The following PNPLA7 variants were observed in gnomAD, a reference collection of about 807,000 sequenced individuals.
PNPLA7 encodes patatin-like phospholipase domain-containing protein 7.
In PNPLA7, 153 loss-of-function variants were observed where a neutral mutation model predicts 161.7. That is an observed-to-expected ratio of 0.95 (90% CI 0.83 to 1.08). PNPLA7 has a LOEUF of 1.08. PNPLA7 is among the 50% of genes least tolerant of loss of function. The pLI is 0.00. For synonymous variants in PNPLA7, 809 were observed against 782.1 expected (o/e 1.03, Z -0.57); for missense variants, 1,739 against 1,856.6 (o/e 0.94, Z 1.16).
chr9:137,485,469 C>A (rs1278449115), intron 20 of PNPLA7, among the ~76,000 whole-genome samples: 1 of 151,938 alleles, frequency 6.6e-6, no homozygotes, highest in Non-Finnish European at 1.5e-5. Context: ...TGGAGTAAAC[C>A]AGACACACTC....
At position 137,480,362 on chromosome 9, in the gene PNPLA7, C is replaced by A. The variant is rs780922506; in HGVS notation, c.2530G>T (p.Asp844Tyr). 1.9e-6 allele frequency: 3 copies of A among 1,613,432 alleles called. No homozygotes were observed. The highest frequency in any genetic ancestry group is 2.2e-5 in the South Asian group (2 of 91,050). The change falls in exon 23 of 35, where the codon GAC (aspartate) becomes TAC (tyrosine). Residue 844 changes from aspartate (D) to tyrosine (Y), a missense_variant. Coordinates refer to ENST00000406427, the MANE Select transcript of PNPLA7 (RefSeq NM_001098537.3). ...PWTQRCVRQA[D>Y]CILIVGLGDQ... ...CCCAGGCCCACGATGAGGATGCAGT[C>A]GGCCTGGCGCACGCAGCGCTGGGTC...
chr9:137,480,157 C>T (rs546907371), intron 23 of PNPLA7, among the ~76,000 whole-genome samples, 155 bp downstream of exon 23: 3 of 152,344 alleles, frequency 2.0e-5, no homozygotes, highest in East Asian at 1.9e-4. Context: ...AATACAGCAC[C>T]GTGTTTTTAA....
At position 137,484,744 on chromosome 9, in the gene PNPLA7, G is replaced by A; in HGVS notation, c.2198-8C>T. On this transcript the variant is annotated splice_polypyrimidine_tract_variant and splice_region_variant and intron_variant, in intron 20 of 34. Coordinates refer to ENST00000406427, the MANE Select transcript of PNPLA7 (RefSeq NM_001098537.3). The stretch of plus-strand genomic sequence containing the variant: ...GGAGCCCAAGCTGGTGGCCTGTGGA[G>A]CAAAGGACCCACGTCAGCTGGGACA... 1 of 1,602,762 alleles carries A rather than the reference G, an allele frequency of 6.2e-7. No homozygotes were observed. The highest frequency in any genetic ancestry group is 8.5e-7 in the Non-Finnish European group (1 of 1,173,960).
rs1032264099 is a variant in PNPLA7 at position 137,524,755 on chromosome 9, C to T, written c.748-1898G>A. Among the ~76,000 whole-genome samples the T allele has an allele frequency of 6.6e-6, 1 of 151,996 alleles. No individual in the cohort carries two copies. The highest frequency in any genetic ancestry group is 2.4e-5 in the African/African-American group (1 of 41,358). ...AGCGAACGAGTTTCCGTGGATGCCC[C>T]GTGGAATGAGTTTCCGTGGATGCCC... On this transcript the variant is annotated intron_variant, in intron 8 of 34. Coordinates refer to ENST00000406427, the MANE Select transcript of PNPLA7 (RefSeq NM_001098537.3). This position sits in a 1 kb window ranked among gnomAD's most constrained non-coding sequence, Gnocchi z 4.4.
rs572513523 is a variant in PNPLA7, at chr9:137,510,894, G to C, written c.1225+4485C>G. On this transcript the variant is annotated intron_variant, in intron 12 of 34. Coordinates refer to ENST00000406427, the MANE Select transcript of PNPLA7 (RefSeq NM_001098537.3). ...ATAATCAAGAAAATAGTTAGGATAA[G>C]AGAAAGTTATATTCGAAATAGGATA... Among the ~76,000 whole-genome samples the C allele has an allele frequency of 9.2e-5, 14 of 152,380 alleles. No individual in the cohort carries two copies. The South Asian group carries it at 2.9e-3, about 32-fold the overall frequency.
At chr9:137,513,216 G>A (rs1366922677) in intron 12 of PNPLA7, among the ~76,000 whole-genome samples, 1 of 152,084 alleles carries the variant, frequency 6.6e-6, no homozygotes, top group Non-Finnish European at 1.5e-5. Context: ...TTGAGGCCGG[G>A]TGCGGTGGCT....
rs1588576753 is a variant in PNPLA7, at chr9:137,486,732, C to T, written c.2198-1996G>A. Among the ~76,000 whole-genome samples, 1 of 152,252 alleles carries T rather than the reference C, an allele frequency of 6.6e-6. No individual in the cohort carries two copies. The highest frequency in any genetic ancestry group is 1.9e-4 in the East Asian group (1 of 5,162). Reference sequence around the variant, plus strand: ...GCCTTGGGGTGGCTTCAGCCGCCTGCTTGAGAGGACGCTCTGTGCACAGTG... The same window carrying T: ...GCCTTGGGGTGGCTTCAGCCGCCTGTTTGAGAGGACGCTCTGTGCACAGTG... On this transcript the variant is annotated intron_variant, in intron 20 of 34. Transcript: ENST00000406427. The surrounding 1 kb of genome is among the most constrained non-coding windows in gnomAD (Gnocchi z 6.0).
At chr9:137,478,804 G>C in intron 24 of PNPLA7, 1 of 456,376 alleles carries the variant, frequency 2.2e-6, no homozygotes. Context: ...CCATCCCCGG[G>C]GTTCGCTGAG....
chr9:137,539,562 G>C (rs896426674), intron 8 of PNPLA7, among the ~76,000 whole-genome samples: 7 of 152,056 alleles, frequency 4.6e-5, no homozygotes, highest in African/African-American at 1.7e-4. Flanking sequence ...CCTGCTACTT[G>C]GGAAGCTGAG....
chr9:137,525,168 A>G (rs1005581242), intron 8 of PNPLA7, among the ~76,000 whole-genome samples: 4 of 152,206 alleles, frequency 2.6e-5, no homozygotes, highest in African/African-American at 7.2e-5. Flanking sequence ...GAAGCTAGAC[A>G]TCGAGTTGGA....
Position 137,461,527 on chromosome 9 carries a change from T to A in PNPLA7, c.3841+9A>T. ...CGTCTCCACGGCTTCGTCTTGCGCCTCCACTCACCATCCACCATGGCGGGC... is the reference window on the plus strand; with the variant it reads ...CGTCTCCACGGCTTCGTCTTGCGCCACCACTCACCATCCACCATGGCGGGC... On this transcript the variant is annotated intron_variant, in intron 33 of 34. Transcript: ENST00000406427. The A allele has an allele frequency of 6.2e-7, 1 of 1,610,554 alleles. No individual in the cohort carries two copies. Among genetic ancestry groups the A allele is most frequent in the Non-Finnish European group, 8.5e-7 (1 of 1,178,060 alleles).
Position 137,543,359 on chromosome 9 carries a change from G to A in PNPLA7, c.506+73C>T. 1.3e-6 allele frequency: 2 copies of A among 1,585,850 alleles called. No homozygotes were observed. The highest frequency in any genetic ancestry group is 1.7e-6 in the Non-Finnish European group (2 of 1,159,378). ...TCCCCCAACACAAGACGGCCAAGCT[G>A]GAGCCAGGCCCCAGCGAGAAGCCCG... On this transcript the variant is annotated intron_variant, in intron 6 of 34. Coordinates refer to ENST00000406427, the MANE Select transcript of PNPLA7 (RefSeq NM_001098537.3). This position sits in a 1 kb window ranked among gnomAD's most constrained non-coding sequence, Gnocchi z 6.9.
chr9:137,481,896 A>T (rs1037895992), intron 21 of PNPLA7, among the ~76,000 whole-genome samples: 8 of 152,236 alleles, frequency 5.3e-5, no homozygotes, highest in African/African-American at 1.7e-4. Flanking sequence ...AGATCGCGCC[A>T]CTGCACTCCA....
chr9:137,526,402 C>T (rs2132519219), intron 8 of PNPLA7, among the ~76,000 whole-genome samples: 1 of 152,328 alleles, frequency 6.6e-6, no homozygotes, highest in East Asian at 1.9e-4. Context: ...CTCAGCCTCC[C>T]AAGTAGCTGG....
intron 21 of PNPLA7, among the ~76,000 whole-genome samples, chr9:137,482,739 G>A (rs956880443): frequency 3.9e-5 from 6 of 152,270 alleles, no homozygotes; most frequent in Middle Eastern, 3.2e-3. Context: ...TGGCGTAAAC[G>A]CCAACGTCCC....
In PNPLA7 at chr9:137,535,687, G is replaced by A. The variant is rs572844605; in HGVS notation, c.747+4955C>T. ...AGAATCGTTTGAACACGGGAGGCAG[G>A]AGTTGCAGTGAGCTGAGATCACGCC... On this transcript the variant is annotated intron_variant, in intron 8 of 34. Transcript: ENST00000406427. 5.3e-5 allele frequency among the ~76,000 whole-genome samples: 8 copies of A among 150,708 alleles called. No homozygotes were observed. The South Asian group carries it at 1.0e-3, about 20-fold the overall frequency.
Position 137,524,250 on chromosome 9 carries a change from G to T in PNPLA7, c.748-1393C>A, listed in dbSNP as rs772163672. 6.6e-6 allele frequency among the ~76,000 whole-genome samples: 1 copy of T among 152,204 alleles called. No individual in the cohort carries two copies. Among genetic ancestry groups the T allele is most frequent in the African/African-American group, 2.4e-5 (1 of 41,442 alleles). On this transcript the variant is annotated intron_variant, in intron 8 of 34. Coordinates refer to ENST00000406427, the MANE Select transcript of PNPLA7 (RefSeq NM_001098537.3). This position sits in a 1 kb window ranked among gnomAD's most constrained non-coding sequence, Gnocchi z 4.4. ...TGTGACACACTCGAGATTCCCCCAC[G>T]GTGGCATGTCTGACAGAGGTCTCTG... is the stretch of plus-strand genomic sequence containing the variant.
At chr9:137,475,010 C>CAAAAAAAAAAAAAAAAAAAAAAA (rs58417100) in intron 25 of PNPLA7, among the ~76,000 whole-genome samples, 4 of 63,612 alleles carry the variant, frequency 6.3e-5, no homozygotes, top group African/African-American at 2.7e-4. Flanking sequence ...GACTCTGCCT[C>CAAAAAAAAAAAAAAAAAAAAAAA]AAAAAAAAAA....
rs1247644522 is a variant in PNPLA7 at position 137,520,766 on chromosome 9, G to A, written c.958-723C>T. On this transcript the variant is annotated intron_variant, in intron 10 of 34. Coordinates refer to ENST00000406427, the MANE Select transcript of PNPLA7 (RefSeq NM_001098537.3). This position sits in a 1 kb window ranked among gnomAD's most constrained non-coding sequence, Gnocchi z 5.2. The stretch of plus-strand genomic sequence containing the variant: ...AGGGTCACACCGCCAGGAGGAGGGA[G>A]AGCCGGGGTTGACAGCCTTGTGCCC... Among the ~76,000 whole-genome samples, 1 of 152,236 alleles carries A rather than the reference G, an allele frequency of 6.6e-6. No individual in the cohort carries two copies. The highest frequency in any genetic ancestry group is 1.5e-5 in the Non-Finnish European group (1 of 68,032).
Sources: allele counts gnomAD v4.1 joint callset (sites outside exome capture counted in the v4.1 genomes callset), GRCh38; gene constraint gnomAD v4.1.1; non-coding constraint Gnocchi (gnomAD v3.1); transcripts MANE v1.5; gene names NCBI Gene and HGNC (gene_info 2026-07-23, HGNC 2026-07-21).